MAN2B2: variants seen among roughly 807,000 people sequenced by gnomAD.
The protein encoded by MAN2B2 is mannosidase alpha class 2B member 2.
MAN2B2 carries 106 observed loss-of-function variants against 117.1 expected under a neutral mutation model. That is an observed-to-expected ratio of 0.90 (90% CI 0.77 to 1.06). The LOEUF (loss-of-function observed/expected upper bound fraction) is 1.06, where lower values mean the gene tolerates loss of function less well. Ranked by LOEUF, MAN2B2 falls within the 50% of genes least tolerant of loss-of-function variation. The pLI is 0.00. For missense variants in MAN2B2, 1,326 were observed against 1,381.4 expected (o/e 0.96, Z 0.64); for synonymous variants, 544 against 595.1 (o/e 0.91, Z 1.25).
chr4:6,598,891 G>A (rs1015859093), intron 9 of MAN2B2, among the ~76,000 whole-genome samples: 5 of 152,334 alleles, frequency 3.3e-5, no homozygotes, highest in South Asian at 2.1e-4. Flanking sequence ...CAGGGCAGCC[G>A]TGGGACCAGC....
Position 6,621,252 on chromosome 4 carries a change from C to T in MAN2B2, c.2997C>T (p.Ile999=). The T allele has an allele frequency of 1.2e-6, 2 of 1,614,130 alleles. No homozygotes were observed. The highest frequency in any genetic ancestry group is 1.7e-6 in the Non-Finnish European group (2 of 1,179,998). ...TCATCACCGTCCACCCAAAGGAAAT[C>T]CGGACGTTCTTTATTCACTTTCAAC... ...GPIITVHPKE[I]RTFFIHFQQQ is the part of the protein sequence containing the mutation. Residue 999 remains isoleucine, a synonymous_variant, in exon 19 of 19, where the codon ATC becomes ATT. Coordinates refer to ENST00000285599, the MANE Select transcript of MAN2B2 (RefSeq NM_015274.3).
At chr4:6,577,138 G>A (rs576699668) in intron 2 of MAN2B2, among the ~76,000 whole-genome samples, 7 of 152,244 alleles carry the variant, frequency 4.6e-5, no homozygotes, top group African/African-American at 1.7e-4. Flanking sequence ...TAGTCCCTGT[G>A]GTTTGAGGGT....
intron 5 of MAN2B2, among the ~76,000 whole-genome samples, chr4:6,591,174 G>A (rs1441834626): frequency 1.3e-5 from 2 of 152,074 alleles, no homozygotes; most frequent in South Asian, 2.1e-4. Flanking sequence ...GGCTGGAGGA[G>A]TGGGAGAGGG....
intron 9 of MAN2B2, among the ~76,000 whole-genome samples, chr4:6,599,957 A>T (rs1396206273): frequency 2.0e-5 from 3 of 152,242 alleles, no homozygotes; most frequent in Admixed American, 6.5e-5. Context: ...TCCAATGAAC[A>T]CACAGGAGAG....
chr4:6,590,497 C>G (rs931682632), intron 5 of MAN2B2, among the ~76,000 whole-genome samples: 1 of 152,194 alleles, frequency 6.6e-6, no homozygotes, highest in South Asian at 2.1e-4. Flanking sequence ...TCCGTACCTG[C>G]CAGGTGAGGA....
chr4:6,610,855 C>T (rs747056419), intron 13 of MAN2B2, 25 bp from the exon 14 acceptor site: 4 of 1,606,340 alleles, frequency 2.5e-6, no homozygotes, highest in Non-Finnish European at 3.4e-6. Flanking sequence ...CCCAATCGCC[C>T]ACCTGGCGAT....
At chr4:6,585,253 C>T (rs757063292) in intron 3 of MAN2B2, among the ~76,000 whole-genome samples, 2 of 152,186 alleles carry the variant, frequency 1.3e-5, no homozygotes, top group Non-Finnish European at 2.9e-5. Flanking sequence ...GTCCCAGCAT[C>T]CCAGGCCTCA....
At chr4:6,576,816 G>A (rs1726082389) in intron 2 of MAN2B2, 92 bp downstream of exon 2, 22 of 1,496,326 alleles carry the variant, frequency 1.5e-5, no homozygotes, top group Admixed American at 7.0e-5. Context: ...CAGGGCCAGG[G>A]CCAGGCTGGC....
At chr4:6,594,226 T>A (rs1726975358) in intron 6 of MAN2B2, among the ~76,000 whole-genome samples, 1 of 152,164 alleles carries the variant, frequency 6.6e-6, no homozygotes, top group South Asian at 2.1e-4. Flanking sequence ...GCAGATCACC[T>A]GAGGTCAGGA....
At chr4:6,585,870 G>T (rs1227041840) in intron 3 of MAN2B2, among the ~76,000 whole-genome samples, 4 of 152,110 alleles carry the variant, frequency 2.6e-5, no homozygotes, top group African/African-American at 9.7e-5. Context: ...AGCGACCCAG[G>T]AGAGCAGGCA....
At chr4:6,582,061 G>A (rs1217495695) in intron 3 of MAN2B2, among the ~76,000 whole-genome samples, 2 of 151,964 alleles carry the variant, frequency 1.3e-5, no homozygotes, top group Non-Finnish European at 2.9e-5. Context: ...CAGAGGGAAA[G>A]AACCCCTCAC....
chr4:6,589,516 T>C (rs1016549776), intron 5 of MAN2B2, among the ~76,000 whole-genome samples: 1 of 152,098 alleles, frequency 6.6e-6, no homozygotes, highest in Non-Finnish European at 1.5e-5. Context: ...GCTAGGATTA[T>C]AGGCATGAGC....
chr4:6,611,771 G>A (rs1370740813), intron 15 of MAN2B2, among the ~76,000 whole-genome samples: 1 of 152,190 alleles, frequency 6.6e-6, no homozygotes, highest in Non-Finnish European at 1.5e-5. Context: ...CCCAGCCTGG[G>A]TGGCAAAGCG....
At chr4:6,591,402 C>T (rs930035586) in intron 5 of MAN2B2, among the ~76,000 whole-genome samples, 1 of 152,252 alleles carries the variant, frequency 6.6e-6, no homozygotes, top group Non-Finnish European at 1.5e-5. Flanking sequence ...CTCGCCAAGG[C>T]CCCGTGGGAG....
rs148864416 is a variant in MAN2B2 at position 6,593,325 on chromosome 4, G to A, written c.833G>A (p.Arg278Gln). 379 of 1,613,334 alleles carry A rather than the reference G, an allele frequency of 2.3e-4. No individual in the cohort carries two copies. In the East Asian group the frequency reaches 5.5e-3, roughly 23 times the overall value. Residue 278 changes from arginine to glutamine, a missense_variant, in exon 6 of 19, where the codon CGG becomes CAG. Transcript: ENST00000285599. ...ANVKQRAAWFRTPHVLWPWGC... is the reference protein window; with the variant it reads ...ANVKQRAAWFQTPHVLWPWGC... The stretch of plus-strand genomic sequence containing the variant: ...GTGAAGCAGAGGGCCGCCTGGTTCC[G>A]GACACCGCACGTCCTCTGGCCCTGG...
chr4:6,618,673 G>A (rs1475744026), intron 17 of MAN2B2: 1 of 152,366 alleles, frequency 6.6e-6, no homozygotes, highest in African/African-American at 2.4e-5. Context: ...CAGAAGGCAT[G>A]ACCTGAGCCG....
At chr4:6,583,013 G>C (rs1199318570) in intron 3 of MAN2B2, among the ~76,000 whole-genome samples, 1 of 152,192 alleles carries the variant, frequency 6.6e-6, no homozygotes, top group Non-Finnish European at 1.5e-5. Flanking sequence ...TCTGGTGATT[G>C]GGTGGCTCTG....
intron 1 of MAN2B2, among the ~76,000 whole-genome samples, chr4:6,576,298 C>T (rs1167302663): frequency 1.3e-5 from 2 of 152,210 alleles, no homozygotes; most frequent in African/African-American, 4.8e-5. Flanking sequence ...CTTGCTCACC[C>T]CTCTGAGAAA....
rs528802614 is a variant in MAN2B2, at chr4:6,622,543, A to G, written c.*1258A>G. ...GACCTGCACCTCCTGGGTTCAAGCA[A>G]TTCTCCAGCCTCTGCCTCCCGAGTA... On this transcript the variant is annotated 3_prime_UTR_variant, in exon 19 of 19. Transcript: ENST00000285599. 2.0e-5 allele frequency: 3 copies of G among 151,948 alleles called. No homozygotes were observed. Among genetic ancestry groups the G allele is most frequent in the African/African-American group, 7.2e-5 (3 of 41,408 alleles). The allele number at this position is 151,948 out of a possible 1,614,324, so 9.4% of individuals were successfully genotyped here. A position where few individuals can be genotyped will look rare whatever the true frequency, so the allele number is the denominator to read the frequency against.
Sources: gnomAD v4.1 joint callset for allele counts (sites outside exome capture counted in the v4.1 genomes callset) on GRCh38, gnomAD v4.1.1 for gene constraint, MANE v1.5 for transcripts, NCBI Gene and HGNC (gene_info 2026-07-23, HGNC 2026-07-21) for gene names.